The following CDH4 variants were observed in gnomAD, a reference collection of about 807,000 sequenced individuals.
CDH4 encodes cadherin 4, also known as cadherin-4.
Under a neutral mutation model 86.0 loss-of-function variants are expected in CDH4, and 33 were observed. The ratio of observed to expected loss-of-function variants is 0.38; its 90% CI spans 0.29 to 0.51. The LOEUF is 0.51. Ranked by LOEUF, CDH4 falls within the 20% of genes least tolerant of loss-of-function variation. The probability of loss-of-function intolerance (pLI) is 0.86; values close to 1 mark genes in which losing one functional copy is unlikely to be tolerated. For missense variants in CDH4, 1,114 were observed against 1,307.4 expected, an observed-to-expected ratio of 0.85 and a Z score of 2.28; for synonymous variants, 555 against 549.4, an observed-to-expected ratio of 1.01 and a Z score of -0.14.
At chr20:61,669,012 G>A (rs373866519) in intron 2 of CDH4, among the ~76,000 whole-genome samples, 43 of 152,310 alleles carry the variant, frequency 2.8e-4, no homozygotes, top group East Asian at 1.4e-3. Flanking sequence ...CCTGTCCAGC[G>A]AAGCTCAGGG....
rs929528892 is a variant in CDH4, at chr20:61,357,877, C to A, written c.169+102940C>A. Among the ~76,000 whole-genome samples, 5 of 152,254 alleles carry A rather than the reference C, an allele frequency of 3.3e-5. No homozygotes were observed. In the East Asian group the frequency reaches 9.7e-4, roughly 29 times the overall value. On this transcript the variant is annotated intron_variant, in intron 2 of 15. Coordinates refer to ENST00000614565, the MANE Select transcript of CDH4 (RefSeq NM_001794.5). ...ATCCCCAAGGGCAGGAACAACGATTCTTTGCTTTTTATTTTTTTTCCCCAG... is the reference window on the plus strand; with the variant it reads ...ATCCCCAAGGGCAGGAACAACGATTATTTGCTTTTTATTTTTTTTCCCCAG...
At chr20:61,689,641 G>C (rs1380507146) in intron 2 of CDH4, among the ~76,000 whole-genome samples, 2 of 148,876 alleles carry the variant, frequency 1.3e-5, no homozygotes, top group Non-Finnish European at 3.0e-5. Context: ...TGGTTGGTGA[G>C]GTGATGTGGA....
chr20:61,640,493 T>C (rs1263748020), intron 2 of CDH4, among the ~76,000 whole-genome samples: 2 of 151,976 alleles, frequency 1.3e-5, no homozygotes, highest in Admixed American at 6.6e-5. Context: ...GCTGCTGCTG[T>C]TCAGGGGGAT....
intron 2 of CDH4, chr20:61,599,973 C>T (rs1268305529): frequency 1.0e-6 from 1 of 984,714 alleles, no homozygotes; most frequent in Non-Finnish European, 1.2e-6. Context: ...GCTGCTGCTG[C>T]TGAGCTGAAG....
intron 13 of CDH4, 79 bp downstream of exon 13, chr20:61,929,921 G>T (rs557915227): frequency 8.3e-7 from 1 of 1,205,282 alleles, no homozygotes; most frequent in Non-Finnish European, 1.2e-6. Flanking sequence ...GGGCAGAGGG[G>T]GGCCTGGATT....
At chr20:61,924,033 G>A (rs543477340) in intron 10 of CDH4, among the ~76,000 whole-genome samples, 7 of 152,310 alleles carry the variant, frequency 4.6e-5, no homozygotes, top group Admixed American at 2.0e-4. Flanking sequence ...GTCCTTGTCC[G>A]TTCGATGGGG....
chr20:61,273,921 ACAGTTTGGAGGAGTATTGTGTG>A (rs1285576000), intron 2 of CDH4, among the ~76,000 whole-genome samples: 1 of 102,136 alleles, frequency 9.8e-6, no homozygotes. Context: ...AGTACCATGT[ACAGTTTGGAGGAGTATTGTGTG>A]CAGTTTGGGG....
intron 2 of CDH4, among the ~76,000 whole-genome samples, chr20:61,630,234 A>T (rs548317127): frequency 6.6e-6 from 1 of 152,284 alleles, no homozygotes; most frequent in African/African-American, 2.4e-5. Context: ...TGTGCAGCGC[A>T]TGTTGCATCC....
intron 2 of CDH4, among the ~76,000 whole-genome samples, chr20:61,423,072 C>T (rs753134634): frequency 1.3e-5 from 2 of 152,158 alleles, no homozygotes; most frequent in Non-Finnish European, 2.9e-5. Context: ...AGAGAAATGC[C>T]TGGATGCTGT....
Position 61,715,580 on chromosome 20 carries a change from C to T in CDH4, c.170-27983C>T, listed in dbSNP as rs75035125. The stretch of plus-strand genomic sequence containing the variant: ...AGGGCAGAGCCCTGATTAATCCATT[C>T]ATGTGGGTAGAAGGATTAAGTTTCC... On this transcript the variant is annotated intron_variant, in intron 2 of 15. Coordinates refer to ENST00000614565, the MANE Select transcript of CDH4 (RefSeq NM_001794.5). Among the ~76,000 whole-genome samples, 418 of 152,332 alleles carry T rather than the reference C, an allele frequency of 2.7e-3. 1 individual carries two copies. Among genetic ancestry groups the T allele is most frequent in the African/African-American group, 9.4e-3 (390 of 41,582 alleles).
In CDH4 at chr20:61,494,990, A is replaced by C. The variant is rs115142057; in HGVS notation, c.169+240053A>C. Among the ~76,000 whole-genome samples, 623 of 152,348 alleles carry C rather than the reference A, an allele frequency of 4.1e-3. 7 individuals carry two copies. The highest frequency in any genetic ancestry group is 0.013 in the African/African-American group (545 of 41,586). ...CTGGGGAAACTGAGGCTGGAAGAGG[A>C]CTATCCACAGGGAGCCACCTTGCAT... On this transcript the variant is annotated intron_variant, in intron 2 of 15. Coordinates refer to ENST00000614565, the MANE Select transcript of CDH4 (RefSeq NM_001794.5).
chr20:61,936,113 A>G (rs2055179624), intron 15 of CDH4, among the ~76,000 whole-genome samples: 1 of 151,636 alleles, frequency 6.6e-6, no homozygotes, highest in African/African-American at 2.4e-5. Context: ...GGAGTGCCAC[A>G]CTCATAACTG....
At chr20:61,559,212 G>A (rs191452533) in intron 2 of CDH4, among the ~76,000 whole-genome samples, 12 of 152,242 alleles carry the variant, frequency 7.9e-5, no homozygotes, top group African/African-American at 2.6e-4. Context: ...CAGCTACTCA[G>A]GAGGCTGAGG....
chr20:61,354,765 G>A (rs777214657), intron 2 of CDH4, among the ~76,000 whole-genome samples: 3 of 152,192 alleles, frequency 2.0e-5, no homozygotes, highest in Non-Finnish European at 4.4e-5. Context: ...TCGTCCCGGG[G>A]ATGACCAGCC....
intron 2 of CDH4, among the ~76,000 whole-genome samples, chr20:61,643,094 C>T (rs572744283): frequency 4.6e-5 from 7 of 152,250 alleles, no homozygotes; most frequent in Non-Finnish European, 1.0e-4. Flanking sequence ...AAATGAATGT[C>T]TTTCTTTTAG....
intron 2 of CDH4, among the ~76,000 whole-genome samples, chr20:61,534,776 A>ACAG: frequency 7.4e-6 from 1 of 134,556 alleles, no homozygotes; most frequent in Non-Finnish European, 1.5e-5. Flanking sequence ...CTCTGGTGGG[A>ACAG]CAGTGGCAGA....
intron 4 of CDH4, among the ~76,000 whole-genome samples, chr20:61,815,801 C>T (rs537527986): frequency 3.2e-4 from 49 of 152,282 alleles, no homozygotes; most frequent in African/African-American, 1.2e-3. Context: ...TTATCAAATG[C>T]AAAATATGCC....
intron 4 of CDH4, among the ~76,000 whole-genome samples, chr20:61,795,250 A>G (rs1475025554): frequency 8.3e-5 from 5 of 60,430 alleles, no homozygotes; most frequent in African/African-American, 5.7e-4. Flanking sequence ...GATCATCTCT[A>G]AAATCCTAAG....
chr20:61,413,412 C>G (rs544777270), intron 2 of CDH4, among the ~76,000 whole-genome samples: 7 of 152,082 alleles, frequency 4.6e-5, no homozygotes, highest in Non-Finnish European at 8.8e-5. Flanking sequence ...GTTGTGGAGC[C>G]GGGCTTCTCC....
Sources: gnomAD v4.1 joint callset for allele counts (sites outside exome capture counted in the v4.1 genomes callset) on GRCh38, gnomAD v4.1.1 for gene constraint, MANE v1.5 for transcripts, NCBI Gene and HGNC (gene_info 2026-07-23, HGNC 2026-07-21) for gene names.